Variants in LEPR observed in about 807,000 individuals in gnomAD.
LEPR encodes the protein leptin receptor.
Under a neutral mutation model 114.7 loss-of-function variants are expected in LEPR, and 56 were observed. The ratio of observed to expected loss-of-function variants is 0.49; its 90% CI spans 0.39 to 0.61. The LOEUF is 0.61. Among genes scored for constraint, LEPR ranks in the 20% least tolerant of loss-of-function variants. The pLI, the probability that LEPR is intolerant of heterozygous loss-of-function variation, is 0.00. For missense variants in LEPR, 1,202 were observed against 1,352.9 expected, an observed-to-expected ratio of 0.89 and a Z score of 1.75; for synonymous variants, 443 against 461.4, an observed-to-expected ratio of 0.96 and a Z score of 0.51.
chr1:65,583,503 TA>T (rs142792471), intron 5 of LEPR, among the ~76,000 whole-genome samples: 2,569 of 152,198 alleles, frequency 0.017, 41 homozygotes, highest in Non-Finnish European at 0.025. Flanking sequence ...CCAGAAGAGC[TA>T]TACTTTAAAG....
intron 2 of LEPR, among the ~76,000 whole-genome samples, chr1:65,441,954 C>T (rs1037898878): frequency 3.3e-5 from 5 of 152,052 alleles, no homozygotes; most frequent in African/African-American, 1.2e-4. Flanking sequence ...TTCAGGTATA[C>T]TGAGGGGTAG....
intron 2 of LEPR, among the ~76,000 whole-genome samples, chr1:65,478,242 T>C (rs898625041): frequency 1.3e-5 from 2 of 152,200 alleles, no homozygotes; most frequent in African/African-American, 4.8e-5. Flanking sequence ...TCTCTGCCAA[T>C]TATTGGCTCT....
At chr1:65,591,509 G>T (rs1295130885) in intron 5 of LEPR, among the ~76,000 whole-genome samples, 1 of 151,902 alleles carries the variant, frequency 6.6e-6, no homozygotes, top group African/African-American at 2.4e-5. Flanking sequence ...CTCTGTTATT[G>T]GGTTCATAAA....
chr1:65,505,937 G>A (rs1034612668), intron 2 of LEPR, among the ~76,000 whole-genome samples: 4 of 151,992 alleles, frequency 2.6e-5, no homozygotes, highest in Non-Finnish European at 4.4e-5. Context: ...CCAAGATAAC[G>A]TCTTGCCTAC....
At chr1:65,524,340 C>G (rs1188836664) in intron 2 of LEPR, among the ~76,000 whole-genome samples, 5 of 152,166 alleles carry the variant, frequency 3.3e-5, no homozygotes, top group Admixed American at 2.6e-4. Context: ...GTTAGTGTTT[C>G]TGGGTTATTT....
At chr1:65,498,960 A>G (rs1484798800) in intron 2 of LEPR, among the ~76,000 whole-genome samples, 1 of 152,050 alleles carries the variant, frequency 6.6e-6, no homozygotes, top group African/African-American at 2.4e-5. Context: ...TTTCTTTCCA[A>G]TTGAGTATCA....
chr1:65,595,986 T>C (rs145587594), intron 6 of LEPR, among the ~76,000 whole-genome samples: 29 of 152,272 alleles, frequency 1.9e-4, no homozygotes, highest in African/African-American at 6.0e-4. Flanking sequence ...GTCTAGATTA[T>C]AGTGATCTAA....
chr1:65,420,758 G>C lies in LEPR; in HGVS notation c.-97+18G>C. On this transcript the variant is annotated intron_variant, in intron 1 of 19. Transcript: ENST00000349533. ...CGTTAAAGGTACATCGCGGTCCCCG[G>C]CTCGCTTGTCGTGTGGTGGGGTTGC... 6.3e-7 allele frequency: 1 copy of C among 1,577,510 alleles called. No individual in the cohort carries two copies.
At chr1:65,426,998 A>AAGTCTCC (rs1491371724) in intron 2 of LEPR, among the ~76,000 whole-genome samples, 4 of 50,580 alleles carry the variant, frequency 7.9e-5, no homozygotes, top group African/African-American at 3.5e-4. Flanking sequence ...CTTTGTCTCC[A>AAGTCTCC]AAAAAAAAAA....
intron 2 of LEPR, among the ~76,000 whole-genome samples, chr1:65,535,540 G>A (rs531020048): frequency 2.6e-5 from 4 of 151,850 alleles, no homozygotes; most frequent in African/African-American, 7.2e-5. Context: ...TAGTAGGGAC[G>A]AAGTCTTGCT....
intron 2 of LEPR, among the ~76,000 whole-genome samples, chr1:65,502,846 C>T (rs1184840088): frequency 6.7e-6 from 1 of 148,380 alleles, no homozygotes; most frequent in Non-Finnish European, 1.5e-5. Flanking sequence ...ATGTATAGAG[C>T]CTGGGGGGAG....
chr1:65,597,247 A>C (rs1656126164), intron 7 of LEPR, among the ~76,000 whole-genome samples: 1 of 152,048 alleles, frequency 6.6e-6, no homozygotes, highest in Admixed American at 6.6e-5. Flanking sequence ...CTTAGCCCAC[A>C]TACCCCGACC....
intron 19 of LEPR, chr1:65,634,351 T>C (rs545036326): frequency 2.2e-4 from 212 of 977,972 alleles, no homozygotes; most frequent in Non-Finnish European, 2.5e-4. Context: ...GTCATTGAAA[T>C]GTAAAATCTA....
intron 2 of LEPR, among the ~76,000 whole-genome samples, chr1:65,533,717 A>G (rs1650562769): frequency 1.3e-5 from 2 of 152,140 alleles, no homozygotes; most frequent in African/African-American, 4.8e-5. Flanking sequence ...TCAGTTTAAA[A>G]TAGGTTCTGA....
rs1392611141 is a variant in LEPR, at chr1:65,422,477, CTGT to C, written c.-97+1742_-97+1744del. Reference sequence around the variant, plus strand: ...TCCAGAACTGTCAGAAGATAAATTTCTGTTGTTCTCAGCCATCCAGTTTGTGGT... The same window carrying C: ...TCCAGAACTGTCAGAAGATAAATTTCTGTTCTCAGCCATCCAGTTTGTGGT... On this transcript the variant is annotated intron_variant, in intron 1 of 19. Coordinates refer to ENST00000349533, the MANE Select transcript of LEPR (RefSeq NM_002303.6). Among the ~76,000 whole-genome samples the C allele has an allele frequency of 5.9e-5, 9 of 152,358 alleles. No individual in the cohort carries two copies. The East Asian group carries it at 1.3e-3, about 23-fold the overall frequency.
At chr1:65,509,883 A>T (rs1648945060) in intron 2 of LEPR, among the ~76,000 whole-genome samples, 1 of 152,224 alleles carries the variant, frequency 6.6e-6, no homozygotes, top group African/African-American at 2.4e-5. Flanking sequence ...TTGGTCATAA[A>T]GAGGAGTTTT....
intron 2 of LEPR, among the ~76,000 whole-genome samples, chr1:65,512,040 C>T (rs1304727269): frequency 3.9e-5 from 6 of 152,164 alleles, no homozygotes; most frequent in Non-Finnish European, 7.4e-5. Context: ...AGAAGGCAAA[C>T]GGGGAGCAAG....
intron 2 of LEPR, among the ~76,000 whole-genome samples, chr1:65,538,070 A>G (rs573951602): frequency 6.6e-6 from 1 of 151,790 alleles, no homozygotes. Flanking sequence ...AATTACCTTT[A>G]TTTTTTCTTA....
At chr1:65,596,648 T>C in intron 7 of LEPR, 55 bp downstream of exon 7, 1 of 1,511,154 alleles carries the variant, frequency 6.6e-7, no homozygotes, top group Non-Finnish European at 9.1e-7. Flanking sequence ...AAAGACCCTC[T>C]TAAGTCCCAT....
Sources: gnomAD v4.1 joint callset for allele counts (sites outside exome capture counted in the v4.1 genomes callset) on GRCh38, gnomAD v4.1.1 for gene constraint, MANE v1.5 for transcripts, NCBI Gene and HGNC (gene_info 2026-07-23, HGNC 2026-07-21) for gene names.